Variants in STK32B observed in about 807,000 individuals in gnomAD.
The protein encoded by STK32B is serine/threonine kinase 32B, also known as serine/threonine-protein kinase 32B.
STK32B carries 43 observed loss-of-function variants against 52.6 expected under a neutral mutation model. That is an observed-to-expected ratio of 0.82 (90% CI 0.64 to 1.05). The LOEUF (loss-of-function observed/expected upper bound fraction) is 1.05, where lower values mean the gene tolerates loss of function less well. Ranked by LOEUF, STK32B falls within the 50% of genes least tolerant of loss-of-function variation. The pLI, the probability that STK32B is intolerant of heterozygous loss-of-function variation, is 0.00. For synonymous variants in STK32B, 238 were observed against 204.3 expected (o/e 1.17, Z -1.41); for missense variants, 621 against 534.6 (o/e 1.16, Z -1.59).
In STK32B at chr4:5,460,142, C is replaced by A; in HGVS notation, c.823C>A (p.His275Asn). 6.2e-7 allele frequency: 1 copy of A among 1,614,212 alleles called. No individual in the cohort carries two copies. Among genetic ancestry groups the A allele is most frequent in the South Asian group, 1.1e-5 (1 of 91,080 alleles). The change falls in exon 9 of 12, where the codon CAT becomes AAT. Residue 275 changes from histidine to asparagine, a missense_variant. By Grantham distance (68) the His-to-Asn change is moderately conservative. Transcript: ENST00000282908. This position sits in a 1 kb window ranked among gnomAD's most constrained non-coding sequence, Gnocchi z 4.8. ...KDPESRVSSL[H>N]DIQSVPYLAD... ...TCCTGAGAGCCGCGTGTCCAGCCTTCATGACATACAGAGCGTGCCCTACTT... is the reference window on the plus strand; with the variant it reads ...TCCTGAGAGCCGCGTGTCCAGCCTTAATGACATACAGAGCGTGCCCTACTT...
At chr4:5,038,097 G>C in the STK32B span, among the ~76,000 whole-genome samples, 5 of 152,174 alleles carry the variant, frequency 3.3e-5, no homozygotes, top group African/African-American at 1.2e-4. Flanking sequence ...TGGAATTTCA[G>C]TATTGGAAAA....
At chr4:5,295,866 C>T (rs1455147990) in intron 3 of STK32B, among the ~76,000 whole-genome samples, 3 of 151,846 alleles carry the variant, frequency 2.0e-5, no homozygotes, top group African/African-American at 7.3e-5. Flanking sequence ...GTTATGGTGT[C>T]GATTTTAGAT....
chr4:5,220,322 C>G (rs951903573), intron 3 of STK32B, among the ~76,000 whole-genome samples: 1 of 152,188 alleles, frequency 6.6e-6, no homozygotes, highest in Non-Finnish European at 1.5e-5. Flanking sequence ...GGTCCCAGCT[C>G]TCAATGAGAT....
At position 5,170,650 on chromosome 4, in the gene STK32B, A is replaced by T. The variant is rs4689198; in HGVS notation, c.260+2200A>T. On this transcript the variant is annotated intron_variant, in intron 3 of 11. Coordinates refer to ENST00000282908, the MANE Select transcript of STK32B (RefSeq NM_018401.3). ...CAAAGGACATGAACTCATCATTTTT[A>T]ATGGCTGCATAGTATTCCATGGTGT... 2.3e-3 allele frequency among the ~76,000 whole-genome samples: 352 copies of T among 152,166 alleles called. 7 individuals carry two copies. The highest frequency in any genetic ancestry group is 0.02 in the Admixed American group (298 of 15,276).
intron 3 of STK32B, among the ~76,000 whole-genome samples, chr4:5,323,422 C>G (rs529833546): frequency 6.6e-6 from 1 of 152,126 alleles, no homozygotes; most frequent in Non-Finnish European, 1.5e-5. Context: ...TTCTTCTGGA[C>G]TCCCTCATCA....
intron 3 of STK32B, among the ~76,000 whole-genome samples, chr4:5,222,575 G>A (rs1218753341): frequency 6.6e-6 from 1 of 152,146 alleles, no homozygotes; most frequent in Non-Finnish European, 1.5e-5. Flanking sequence ...CAATGACAAA[G>A]AACTTGGCTG....
chr4:5,290,247 G>A (rs894500586), intron 3 of STK32B, among the ~76,000 whole-genome samples: 1 of 152,064 alleles, frequency 6.6e-6, no homozygotes, highest in East Asian at 1.9e-4. Context: ...ATCGACGTTA[G>A]TATACTGTAA....
At chr4:5,221,042 G>T (rs1723496433) in intron 3 of STK32B, among the ~76,000 whole-genome samples, 1 of 152,066 alleles carries the variant, frequency 6.6e-6, no homozygotes, top group African/African-American at 2.4e-5. Flanking sequence ...AGAAATAATT[G>T]TCATATTGAA....
intron 2 of STK32B, among the ~76,000 whole-genome samples, chr4:5,148,366 A>C (rs1286396921): frequency 6.6e-6 from 1 of 151,824 alleles, no homozygotes; most frequent in Admixed American, 6.6e-5. Flanking sequence ...GTTCTAATAT[A>C]AGCATTTTAA....
intron 3 of STK32B, among the ~76,000 whole-genome samples, chr4:5,188,262 A>G (rs745507287): frequency 5.3e-5 from 8 of 152,198 alleles, no homozygotes; most frequent in Non-Finnish European, 1.0e-4. Flanking sequence ...GAGCAATTTT[A>G]TGTGAAGCTC....
At chr4:5,246,574 G>C (rs1029872089) in intron 3 of STK32B, among the ~76,000 whole-genome samples, 1 of 152,122 alleles carries the variant, frequency 6.6e-6, no homozygotes, top group Non-Finnish European at 1.5e-5. Flanking sequence ...CTCTCAACTT[G>C]TCATAGTCAT....
At position 5,380,709 on chromosome 4, in the gene STK32B, A is replaced by T. The variant is rs1217034585; in HGVS notation, c.435-17498A>T. Among the ~76,000 whole-genome samples the T allele has an allele frequency of 6.6e-6, 1 of 152,168 alleles. No homozygotes were observed. Among genetic ancestry groups the T allele is most frequent in the Non-Finnish European group, 1.5e-5 (1 of 68,030 alleles). ...GTACTTGCCATCGTGAAATCCTTAAAGCTTTGAACAAAGGGCCCTGCATTT... is the reference window on the plus strand; with the variant it reads ...GTACTTGCCATCGTGAAATCCTTAATGCTTTGAACAAAGGGCCCTGCATTT... On this transcript the variant is annotated intron_variant, in intron 4 of 11. Coordinates refer to ENST00000282908, the MANE Select transcript of STK32B (RefSeq NM_018401.3). The surrounding 1 kb of genome is among the most constrained non-coding windows in gnomAD (Gnocchi z 4.3).
At position 5,460,090 on chromosome 4, in the gene STK32B, C is replaced by T. The variant is rs1379434337; in HGVS notation, c.784-13C>T. 1 of 1,614,180 alleles carries T rather than the reference C, an allele frequency of 6.2e-7. No individual in the cohort carries two copies. Among genetic ancestry groups the T allele is most frequent in the East Asian group, 2.2e-5 (1 of 44,892 alleles). On this transcript the variant is annotated splice_polypyrimidine_tract_variant and intron_variant, in intron 8 of 11. Coordinates refer to ENST00000282908, the MANE Select transcript of STK32B (RefSeq NM_018401.3). This position sits in a 1 kb window ranked among gnomAD's most constrained non-coding sequence, Gnocchi z 4.8. ...GCCCAATTCATGGAAACTCATTTGC[C>T]CTCTAACTGCAGCTCCTGACCAAGG...
At chr4:5,203,456 C>G (rs1235445354) in intron 3 of STK32B, among the ~76,000 whole-genome samples, 1 of 152,134 alleles carries the variant, frequency 6.6e-6, no homozygotes, top group Non-Finnish European at 1.5e-5. Context: ...CAGCTGACCA[C>G]CCATTTCCTG....
chr4:5,247,771 A>G (rs57434257), intron 3 of STK32B, among the ~76,000 whole-genome samples: 9,218 of 152,096 alleles, frequency 0.061, 417 homozygotes, highest in African/African-American at 0.13. Context: ...CCAGAGCCCT[A>G]GCCAAGGAGG....
chr4:5,022,604 A>T, the STK32B span, among the ~76,000 whole-genome samples: 1 of 152,210 alleles, frequency 6.6e-6, no homozygotes, highest in Non-Finnish European at 1.5e-5. Flanking sequence ...TGTCTCCGCC[A>T]AAAGGTCTCT....
At chr4:5,177,869 G>A (rs1209168391) in intron 3 of STK32B, among the ~76,000 whole-genome samples, 1 of 152,220 alleles carries the variant, frequency 6.6e-6, no homozygotes, top group East Asian at 1.9e-4. Flanking sequence ...CCCAGGCCTT[G>A]GGCAGCTCTG....
intron 3 of STK32B, among the ~76,000 whole-genome samples, chr4:5,191,423 G>T (rs1341619194): frequency 1.3e-5 from 2 of 151,870 alleles, no homozygotes; most frequent in African/African-American, 2.4e-5. Context: ...GCTAATTTTT[G>T]TTGTATTTTT....
the STK32B span, among the ~76,000 whole-genome samples, chr4:5,020,445 C>T: frequency 6.6e-6 from 1 of 152,176 alleles, no homozygotes; most frequent in Non-Finnish European, 1.5e-5. Context: ...TCCAAGTGAT[C>T]GGAGCTAATA....
Sources: gnomAD v4.1 joint callset for allele counts (sites outside exome capture counted in the v4.1 genomes callset) on GRCh38, gnomAD v4.1.1 for gene constraint, Gnocchi (gnomAD v3.1) non-coding constraint, MANE v1.5 for transcripts, NCBI Gene and HGNC (gene_info 2026-07-23, HGNC 2026-07-21) for gene names.